The following ASPHD1 variants were observed in gnomAD, a reference collection of about 807,000 sequenced individuals.
ASPHD1 encodes aspartate beta-hydroxylase domain containing 1, also known as aspartate beta-hydroxylase domain-containing protein 1.
In ASPHD1, 20 loss-of-function variants were observed where a neutral mutation model predicts 28.3. That is an observed-to-expected ratio of 0.71 (90% CI 0.50 to 1.03). The LOEUF (loss-of-function observed/expected upper bound fraction) is 1.03, where lower values mean the gene tolerates loss of function less well. Among genes scored for constraint, ASPHD1 ranks in the 50% least tolerant of loss-of-function variants. ASPHD1 has a pLI of 0.00. For synonymous variants in ASPHD1, 240 were observed against 221.2 expected (o/e 1.08, Z -0.75); for missense variants, 479 against 524.1 (o/e 0.91, Z 0.84).
At chr16:29,910,880 C>G (rs112012242), downstream of ASPHD1, 14 of 1,115,550 alleles carry the variant, frequency 1.3e-5, no homozygotes, top group Non-Finnish European at 1.7e-5. Flanking sequence ...GCTCCTGCCT[C>G]CTGGTGGTGG....
At position 29,903,070 on chromosome 16, in the gene ASPHD1, C is replaced by T. The variant is rs955399919; in HGVS notation, c.949+1150C>T. On this transcript the variant is annotated intron_variant, in intron 1 of 2. Coordinates refer to ENST00000308748, the MANE Select transcript of ASPHD1 (RefSeq NM_181718.4). Reference sequence around the variant, plus strand: ...GCTTGGCTGATTTTTTAAAAATTTACGTAGGCCAGGCGCGGTGGCTCACGC... The same window carrying T: ...GCTTGGCTGATTTTTTAAAAATTTATGTAGGCCAGGCGCGGTGGCTCACGC... Among the ~76,000 whole-genome samples, 4 of 150,360 alleles carry T rather than the reference C, an allele frequency of 2.7e-5. 1 individual carries two copies. The highest frequency in any genetic ancestry group is 4.2e-4 in the South Asian group (2 of 4,706).
In ASPHD1 at chr16:29,905,947, G is replaced by A. The variant is rs1293436718; in HGVS notation, c.*50G>A. On this transcript the variant is annotated 3_prime_UTR_variant, in exon 3 of 3. Transcript: ENST00000308748. The stretch of plus-strand genomic sequence containing the variant: ...CAGGCTGGAGAGACACTGCGCTCAG[G>A]GACGGCTTGATGGTAGCCAGGACCT... 1.7e-5 allele frequency: 25 copies of A among 1,483,522 alleles called. No individual in the cohort carries two copies. The highest frequency in any genetic ancestry group is 2.8e-5 in the African/African-American group (2 of 72,096). 91.9% of individuals were successfully genotyped at this position (1,483,522 alleles called of 1,614,324 possible).
At position 29,901,772 on chromosome 16, in the gene ASPHD1, G is replaced by C; in HGVS notation, c.801G>C (p.Arg267=). 1 of 1,553,876 alleles carries C rather than the reference G, an allele frequency of 6.4e-7. No individual in the cohort carries two copies. ...GGTGCCAACCCAGCAACTGCCGCCG[G>C]TGCCCGGGGGCCTATCGGGCACTGA... ...AGRCQPSNCR[R]CPGAYRALRG... Residue 267 remains arginine, a synonymous_variant, in exon 1 of 3, where the codon CGG becomes CGC. Transcript: ENST00000308748. The surrounding 1 kb of genome is among the most constrained non-coding windows in gnomAD (Gnocchi z 5.1).
downstream of ASPHD1, chr16:29,906,806 G>A (rs980884750): frequency 1.1e-5 from 16 of 1,422,572 alleles, no homozygotes; most frequent in Non-Finnish European, 1.4e-5. Context: ...AAAAGTCTGG[G>A]AAGGGGAGGG....
At chr16:29,910,899 C>T, downstream of ASPHD1, 15 of 1,389,836 alleles carry the variant, frequency 1.1e-5, no homozygotes, top group South Asian at 1.6e-4. Context: ...GGGCTCCTTC[C>T]CCTGCCAACC....
intron 3 of ASPHD1, chr16:29,911,510 T>TG: frequency 1.8e-6 from 1 of 567,392 alleles, no homozygotes; most frequent in East Asian, 3.0e-5. Flanking sequence ...ATCTGTAAAA[T>TG]GGAGCTCACA....
rs1023625316 is a variant in ASPHD1 at position 29,900,594 on chromosome 16, T to G, written c.-378T>G. The G allele has an allele frequency of 4.3e-5, 11 of 257,044 alleles. No individual in the cohort carries two copies. Among genetic ancestry groups the G allele is most frequent in the South Asian group, 1.6e-4 (3 of 19,040 alleles). The allele number at this position is 257,044 out of a possible 1,614,324, so 15.9% of individuals were successfully genotyped here. A position where few individuals can be genotyped will look rare whatever the true frequency, so the allele number is the denominator to read the frequency against. Reference sequence around the variant, plus strand: ...GAGTGGGAGCCCAGGAAGGAGCGAGTAGGAGAGAGGGAGCGAGAGCCAGGC... The same window carrying G: ...GAGTGGGAGCCCAGGAAGGAGCGAGGAGGAGAGAGGGAGCGAGAGCCAGGC... On this transcript the variant is annotated 5_prime_UTR_variant, in exon 1 of 3. Coordinates refer to ENST00000308748, the MANE Select transcript of ASPHD1 (RefSeq NM_181718.4).
Position 29,901,227 on chromosome 16 carries a change from G to A in ASPHD1, c.256G>A (p.Ala86Thr). 3 of 1,613,764 alleles carry A rather than the reference G, an allele frequency of 1.9e-6. No individual in the cohort carries two copies. The highest frequency in any genetic ancestry group is 1.3e-5 in the African/African-American group (1 of 75,004). The change falls in exon 1 of 3, where the codon GCC becomes ACC. Residue 86 changes from alanine to threonine, a missense_variant. Physicochemically the swap from Ala to Thr is moderately conservative, Grantham distance 58. Transcript: ENST00000308748. The surrounding 1 kb of genome is among the most constrained non-coding windows in gnomAD (Gnocchi z 5.1). ...ASSALTLLFG[A>T]LTSLFLWYCY... is the part of the protein sequence containing the mutation. ...CTCGGCCCTCACCTTGCTCTTCGGG[G>A]CCCTCACTTCCCTGTTCCTCTGGTA...
Position 29,906,002 on chromosome 16 carries a change from G to GGC in ASPHD1, c.*105_*106insGC. ...TCTACTGCGGGGGTGGGCGGGGGCG[G>GGC]AGGATGGGAACTGGCTAGTGAGCAC... On this transcript the variant is annotated 3_prime_UTR_variant, in exon 3 of 3. Transcript: ENST00000308748. 2.4e-6 allele frequency: 1 copy of GGC among 414,054 alleles called. No homozygotes were observed. Among genetic ancestry groups the GGC allele is most frequent in the East Asian group, 6.4e-5 (1 of 15,704 alleles). 25.6% of individuals were successfully genotyped at this position (414,054 alleles called of 1,614,324 possible). A position where few individuals can be genotyped will look rare whatever the true frequency, so the allele number is the denominator to read the frequency against.
At chr16:29,916,135 C>T (rs555226016) in intron 3 of ASPHD1, among the ~76,000 whole-genome samples, 88 of 152,242 alleles carry the variant, frequency 5.8e-4, no homozygotes, top group African/African-American at 1.7e-3. Context: ...AACTTTCTGC[C>T]GCTACACAAG....
intron 3 of ASPHD1, among the ~76,000 whole-genome samples, chr16:29,918,722 T>C (rs1267306587): frequency 6.6e-6 from 1 of 152,082 alleles, no homozygotes; most frequent in Non-Finnish European, 1.5e-5. Context: ...AGTGGCACGA[T>C]CTCGGCTCAC....
At chr16:29,903,969 G>A (rs1307748725) in intron 1 of ASPHD1, among the ~76,000 whole-genome samples, 1 of 151,894 alleles carries the variant, frequency 6.6e-6, no homozygotes, top group Non-Finnish European at 1.5e-5. Context: ...GAAAGCCCAG[G>A]AGGAAAAGCC....
At chr16:29,918,649 T>TTATA (rs2068852650) in intron 3 of ASPHD1, among the ~76,000 whole-genome samples, 2 of 151,792 alleles carry the variant, frequency 1.3e-5, no homozygotes, top group Non-Finnish European at 2.9e-5. Flanking sequence ...TTTTGTAATT[T>TTATA]TTTATTTATT....
rs2068549428 is a variant in ASPHD1, at chr16:29,901,576, C to T, written c.605C>T (p.Pro202Leu). The T allele has an allele frequency of 2.6e-6, 4 of 1,543,694 alleles. No individual in the cohort carries two copies. Among genetic ancestry groups the T allele is most frequent in the East Asian group, 4.5e-5 (2 of 44,346 alleles). ...LPDLPSAPFVPRDAQRHDVEL... is the reference protein window; with the variant it reads ...LPDLPSAPFVLRDAQRHDVEL... ...GACCTGCCTTCAGCCCCCTTTGTGC[C>T]GCGGGACGCCCAGCGGCACGACGTG... Residue 202 changes from proline (P) to leucine (L), a missense_variant, in exon 1 of 3, where the codon CCG becomes CTG. Coordinates refer to ENST00000308748, the MANE Select transcript of ASPHD1 (RefSeq NM_181718.4). This position sits in a 1 kb window ranked among gnomAD's most constrained non-coding sequence, Gnocchi z 5.1.
At position 29,904,267 on chromosome 16, in the gene ASPHD1, G is replaced by A. The variant is rs765964779; in HGVS notation, c.950-585G>A. On this transcript the variant is annotated intron_variant, in intron 1 of 2. Coordinates refer to ENST00000308748, the MANE Select transcript of ASPHD1 (RefSeq NM_181718.4). ...TCGAGACCAGCCTGGCCAACATGGCGAAACCCCATCTCTACTAAAAATACA... is the reference window on the plus strand; with the variant it reads ...TCGAGACCAGCCTGGCCAACATGGCAAAACCCCATCTCTACTAAAAATACA... Among the ~76,000 whole-genome samples the A allele has an allele frequency of 4.5e-4, 69 of 151,948 alleles. 1 individual carries two copies. Among genetic ancestry groups the A allele is most frequent in the Admixed American group, 2.0e-3 (30 of 15,240 alleles).
chr16:29,917,551 G>T (rs1319211170), intron 3 of ASPHD1, among the ~76,000 whole-genome samples: 1 of 152,110 alleles, frequency 6.6e-6, no homozygotes, highest in African/African-American at 2.4e-5. Context: ...GGAGACCAAG[G>T]CGGGCGGATC....
intron 3 of ASPHD1, among the ~76,000 whole-genome samples, chr16:29,915,709 C>G (rs1179268109): frequency 6.6e-6 from 1 of 152,136 alleles, no homozygotes; most frequent in East Asian, 1.9e-4. Flanking sequence ...ACACCTTTAA[C>G]CTTCTCAGAA....
At chr16:29,910,688 C>T (rs143970070), downstream of ASPHD1, among the ~76,000 whole-genome samples, 79 of 152,212 alleles carry the variant, frequency 5.2e-4, no homozygotes, top group Middle Eastern at 3.4e-3. Flanking sequence ...CAACTATGGA[C>T]CCCCTATACA....
In ASPHD1 at chr16:29,904,908, G is replaced by T; in HGVS notation, c.1006G>T (p.Ala336Ser). ...LVVGGEPQCW[A>S]EGHCLLVDDS... ...GGTCGGCGGTGAGCCCCAGTGCTGG[G>T]CTGAGGGGCACTGTCTACTGGTGGA... Residue 336 changes from alanine to serine, a missense_variant, in exon 2 of 3, where the codon GCT (alanine) becomes TCT (serine). Coordinates refer to ENST00000308748, the MANE Select transcript of ASPHD1 (RefSeq NM_181718.4). 1 of 1,613,574 alleles carries T rather than the reference G, an allele frequency of 6.2e-7. No individual in the cohort carries two copies. Among genetic ancestry groups the T allele is most frequent in the East Asian group, 2.2e-5 (1 of 44,830 alleles).
Sources: allele counts gnomAD v4.1 joint callset (sites outside exome capture counted in the v4.1 genomes callset), GRCh38; gene constraint gnomAD v4.1.1; non-coding constraint Gnocchi (gnomAD v3.1); transcripts MANE v1.5; gene names NCBI Gene and HGNC (gene_info 2026-07-23, HGNC 2026-07-21).